Variants in KHDRBS2 observed in about 807,000 individuals in gnomAD.
The protein encoded by KHDRBS2 is KH domain-containing, RNA-binding, signal transduction-associated protein 2.
Under a neutral mutation model 44.3 loss-of-function variants are expected in KHDRBS2, and 26 were observed. The ratio of observed to expected loss-of-function variants is 0.59; its 90% CI spans 0.43 to 0.81. KHDRBS2 has a LOEUF of 0.81. KHDRBS2 is among the 40% of genes least tolerant of loss of function. The probability of loss-of-function intolerance (pLI) is 0.00; values close to 1 mark genes in which losing one functional copy is unlikely to be tolerated. For missense variants in KHDRBS2, 476 were observed against 433.1 expected (o/e 1.10, Z -0.88); for synonymous variants, 194 against 151.1 (o/e 1.28, Z -2.08).
intron 3 of KHDRBS2, among the ~76,000 whole-genome samples, chr6:62,015,183 G>T (rs1342314212): frequency 1.3e-5 from 2 of 151,974 alleles, no homozygotes; most frequent in Non-Finnish European, 2.9e-5. Flanking sequence ...GATATTTTAA[G>T]GTAGTATACT....
At chr6:62,213,805 C>G (rs1285409832) in intron 1 of KHDRBS2, among the ~76,000 whole-genome samples, 3 of 126,490 alleles carry the variant, frequency 2.4e-5, no homozygotes, top group Non-Finnish European at 4.7e-5. Flanking sequence ...ACCCAGGAGG[C>G]GGAGCTTGCA....
rs541374362 is a variant in KHDRBS2 at position 62,265,225 on chromosome 6, T to A, written c.91+20633A>T. Among the ~76,000 whole-genome samples, 315 of 152,118 alleles carry A rather than the reference T, an allele frequency of 2.1e-3. 1 individual carries two copies. The highest frequency in any genetic ancestry group is 7.1e-3 in the African/African-American group (297 of 41,550). ...TTTATCTAGAAAATGAGCTATTTGA[T>A]CTTGTTCATACAATAAGTGATTAAA... On this transcript the variant is annotated intron_variant, in intron 1 of 8. Coordinates refer to ENST00000281156, the MANE Select transcript of KHDRBS2 (RefSeq NM_152688.4).
intron 4 of KHDRBS2, among the ~76,000 whole-genome samples, chr6:61,936,216 C>A (rs1244825935): frequency 1.3e-5 from 2 of 151,948 alleles, no homozygotes; most frequent in Non-Finnish European, 2.9e-5. Context: ...CTATTTTGTA[C>A]CTTCCACTAG....
At chr6:61,989,131 A>C (rs1166447815) in intron 3 of KHDRBS2, among the ~76,000 whole-genome samples, 1 of 152,158 alleles carries the variant, frequency 6.6e-6, no homozygotes, top group Non-Finnish European at 1.5e-5. Context: ...ATGTTAGAAA[A>C]CTTGTAATTA....
chr6:62,277,784 A>G (rs1187958521), intron 1 of KHDRBS2, among the ~76,000 whole-genome samples: 1 of 152,218 alleles, frequency 6.6e-6, no homozygotes, highest in Non-Finnish European at 1.5e-5. Flanking sequence ...ATGATTGTTT[A>G]TTATCTCTCT....
chr6:61,643,605 G>T, the KHDRBS2 span, among the ~76,000 whole-genome samples: 707 of 152,168 alleles, frequency 4.6e-3, 3 homozygotes, highest in Non-Finnish European at 7.6e-3. Context: ...AACAACTTCA[G>T]CAAAGTTTCA....
At chr6:62,049,547 C>T (rs1340047004) in intron 2 of KHDRBS2, among the ~76,000 whole-genome samples, 2 of 150,188 alleles carry the variant, frequency 1.3e-5, no homozygotes, top group African/African-American at 2.4e-5. Flanking sequence ...TTCATATGTT[C>T]GTTGGCTACA....
chr6:62,022,575 TA>T (rs1782548978), intron 3 of KHDRBS2, among the ~76,000 whole-genome samples: 2 of 151,808 alleles, frequency 1.3e-5, no homozygotes, highest in East Asian at 3.9e-4. Flanking sequence ...TAATTGTTTA[TA>T]TGTTGCTTAA....
chr6:62,067,982 T>G (rs2127340592), intron 2 of KHDRBS2, among the ~76,000 whole-genome samples: 1 of 151,752 alleles, frequency 6.6e-6, no homozygotes, highest in East Asian at 2.0e-4. Flanking sequence ...ATTGTGGCTA[T>G]TATAATAATG....
intron 1 of KHDRBS2, among the ~76,000 whole-genome samples, chr6:62,220,322 T>G (rs571901308): frequency 6.6e-6 from 1 of 151,922 alleles, no homozygotes; most frequent in Middle Eastern, 3.4e-3. Context: ...AGTGCATAGA[T>G]GAAAGGACAA....
intron 1 of KHDRBS2, 58 bp downstream of exon 1, chr6:62,285,800 A>T: frequency 8.0e-7 from 1 of 1,252,478 alleles, no homozygotes; most frequent in Middle Eastern, 1.9e-4. Context: ...CCCCTAATCA[A>T]GCCGCGGGTG....
chr6:62,041,917 C>T (rs1161695349), intron 3 of KHDRBS2, among the ~76,000 whole-genome samples: 1 of 151,972 alleles, frequency 6.6e-6, no homozygotes, highest in Non-Finnish European at 1.5e-5. Flanking sequence ...GCACACTACA[C>T]TGAATGATAA....
intron 6 of KHDRBS2, among the ~76,000 whole-genome samples, chr6:61,763,818 ATTTAT>A (rs1434528379): frequency 3.3e-5 from 5 of 152,086 alleles, no homozygotes; most frequent in South Asian, 2.1e-4. Flanking sequence ...TTATAAAAAA[ATTTAT>A]TTTATTTTAT....
At chr6:61,975,765 T>C (rs1277326074) in intron 4 of KHDRBS2, among the ~76,000 whole-genome samples, 5 of 151,994 alleles carry the variant, frequency 3.3e-5, no homozygotes, top group African/African-American at 9.7e-5. Context: ...CAATGAATTA[T>C]AATGTTAAAT....
chr6:61,848,079 C>T (rs764733643), intron 6 of KHDRBS2, among the ~76,000 whole-genome samples: 18 of 151,960 alleles, frequency 1.2e-4, no homozygotes, highest in Non-Finnish European at 1.9e-4. Flanking sequence ...TGTGACCATA[C>T]TAGCTCCTGC....
At chr6:61,809,047 T>C (rs1037689532) in intron 6 of KHDRBS2, among the ~76,000 whole-genome samples, 3 of 152,058 alleles carry the variant, frequency 2.0e-5, no homozygotes, top group Admixed American at 1.3e-4. Context: ...TGAATATGTA[T>C]TCCTTATCTA....
chr6:62,183,213 A>AT (rs1822716492), intron 1 of KHDRBS2, among the ~76,000 whole-genome samples: 3 of 151,764 alleles, frequency 2.0e-5, no homozygotes. Context: ...TGAGGCTCAT[A>AT]TTTTTAAATA....
At chr6:61,714,586 A>T (rs912854974) in intron 7 of KHDRBS2, among the ~76,000 whole-genome samples, 1 of 151,948 alleles carries the variant, frequency 6.6e-6, no homozygotes, top group African/African-American at 2.4e-5. Flanking sequence ...CGTATAAAAA[A>T]TACCTGCACT....
At chr6:61,571,551 G>T in the KHDRBS2 span, among the ~76,000 whole-genome samples, 5 of 151,816 alleles carry the variant, frequency 3.3e-5, no homozygotes, top group Non-Finnish European at 5.9e-5. Flanking sequence ...CTATACCCTA[G>T]AAAAAAATGG....
Sources: gnomAD v4.1 joint callset for allele counts (sites outside exome capture counted in the v4.1 genomes callset) on GRCh38, gnomAD v4.1.1 for gene constraint, MANE v1.5 for transcripts, NCBI Gene and HGNC (gene_info 2026-07-23, HGNC 2026-07-21) for gene names.